The following MAPKAP1 variants were observed in gnomAD, a reference collection of about 807,000 sequenced individuals.
MAPKAP1 encodes the protein MAPK associated protein 1.
Under a neutral mutation model 65.7 loss-of-function variants are expected in MAPKAP1, and 20 were observed. The observed-to-expected ratio is 0.30, with a 90% CI of 0.21 to 0.44. The LOEUF (loss-of-function observed/expected upper bound fraction) is 0.44, where lower values mean the gene tolerates loss of function less well. MAPKAP1 is among the 20% of genes least tolerant of loss of function. MAPKAP1 has a pLI of 1.00. For missense variants in MAPKAP1, 423 were observed against 648.0 expected (o/e 0.65, Z 3.77); for synonymous variants, 222 against 244.3 (o/e 0.91, Z 0.85).
rs777666442 is a variant in MAPKAP1, at chr9:125,669,913, A to G, written c.260-6T>C. ...GAGTCGTTCTAATCTTTGAGCTTGA[A>G]AAGAAATATTATAACTGTAAGTTTG... On this transcript the variant is annotated splice_region_variant and splice_polypyrimidine_tract_variant and intron_variant, in intron 2 of 11. Transcript: ENST00000265960. The G allele has an allele frequency of 6.5e-7, 1 of 1,532,568 alleles. No individual in the cohort carries two copies. The highest frequency in any genetic ancestry group is 8.9e-7 in the Non-Finnish European group (1 of 1,119,776). 94.9% of individuals were successfully genotyped at this position (1,532,568 alleles called of 1,614,324 possible).
At chr9:125,473,896 ACTT>A (rs1398247848) in intron 9 of MAPKAP1, among the ~76,000 whole-genome samples, 1 of 152,182 alleles carries the variant, frequency 6.6e-6, no homozygotes, top group African/African-American at 2.4e-5. Context: ...CTTGGGAAAA[ACTT>A]CTATAAAACG....
At position 125,510,361 on chromosome 9, in the gene MAPKAP1, T is replaced by C. The variant is rs758730059; in HGVS notation, c.959-3944A>G. Reference sequence around the variant, plus strand: ...TCTAGAATCTGAATCACTTAACTTCTATAAATTCAAAATGAAAATGATCTG... The same window carrying C: ...TCTAGAATCTGAATCACTTAACTTCCATAAATTCAAAATGAAAATGATCTG... On this transcript the variant is annotated intron_variant, in intron 7 of 11. Coordinates refer to ENST00000265960, the MANE Select transcript of MAPKAP1 (RefSeq NM_001006617.3). Among the ~76,000 whole-genome samples the C allele has an allele frequency of 2.6e-5, 4 of 152,250 alleles. No homozygotes were observed. In the East Asian group the frequency reaches 5.8e-4, roughly 22 times the overall value.
intron 4 of MAPKAP1, among the ~76,000 whole-genome samples, chr9:125,625,741 G>A (rs978651462): frequency 6.6e-6 from 1 of 152,150 alleles, no homozygotes; most frequent in African/African-American, 2.4e-5. Flanking sequence ...GTTGCAGTGA[G>A]CCGAGATTGC....
intron 1 of MAPKAP1, among the ~76,000 whole-genome samples, chr9:125,678,437 T>A (rs1462933877): frequency 1.3e-5 from 2 of 152,014 alleles, no homozygotes; most frequent in East Asian, 3.9e-4. Context: ...AGAGACAGGG[T>A]TTCCCCATGT....
chr9:125,681,042 G>A (rs574708507), intron 1 of MAPKAP1, among the ~76,000 whole-genome samples: 1 of 152,304 alleles, frequency 6.6e-6, no homozygotes, highest in Admixed American at 6.5e-5. Context: ...GCCACTTCAG[G>A]AGGTAGGCAT....
At chr9:125,505,021 G>C (rs1022078627) in intron 8 of MAPKAP1, among the ~76,000 whole-genome samples, 2 of 152,242 alleles carry the variant, frequency 1.3e-5, no homozygotes, top group African/African-American at 4.8e-5. Context: ...GCAGGGAAGA[G>C]AGATATTAAA....
chr9:125,534,433 A>G (rs116999124), intron 7 of MAPKAP1, among the ~76,000 whole-genome samples: 3,579 of 152,298 alleles, frequency 0.024, 61 homozygotes, highest in South Asian at 0.057. Flanking sequence ...AGCTATTTCA[A>G]TTCTCCCAAA....
intron 4 of MAPKAP1, among the ~76,000 whole-genome samples, chr9:125,635,513 G>T (rs551333029): frequency 1.3e-5 from 2 of 152,126 alleles, no homozygotes; most frequent in African/African-American, 4.8e-5. Flanking sequence ...GCTAAAATGC[G>T]CCCTACCTTT....
intron 5 of MAPKAP1, among the ~76,000 whole-genome samples, chr9:125,573,197 C>T (rs1208415913): frequency 6.6e-6 from 1 of 151,866 alleles, no homozygotes; most frequent in Non-Finnish European, 1.5e-5. Context: ...GCTGCACTCC[C>T]AGACAGTTAA....
At chr9:125,578,491 C>T (rs12341150) in intron 5 of MAPKAP1, among the ~76,000 whole-genome samples, 45,540 of 151,874 alleles carry the variant, frequency 0.3, 7,906 homozygotes, top group Middle Eastern at 0.4. Flanking sequence ...ATGAAAATCA[C>T]TTACATGAGT....
intron 1 of MAPKAP1, among the ~76,000 whole-genome samples, chr9:125,706,671 A>G (rs1835770694): frequency 6.6e-6 from 1 of 151,994 alleles, no homozygotes; most frequent in Admixed American, 6.6e-5. Flanking sequence ...TATGAAGACC[A>G]GGGCACCTAG....
chr9:125,597,360 G>A (rs1342702148), intron 4 of MAPKAP1, among the ~76,000 whole-genome samples: 1 of 150,340 alleles, frequency 6.7e-6, no homozygotes, highest in Non-Finnish European at 1.5e-5. Context: ...GTTCACTTGA[G>A]CCTGGGAGGT....
rs529963958 is a variant in MAPKAP1 at position 125,493,422 on chromosome 9, TAAGTATTTGCACTCCCCTCCAGAC to T, written c.1067-8863_1067-8840del. The stretch of plus-strand genomic sequence containing the variant: ...TTCTTCTGGTAAGTATCTTACATGG[TAAGTATTTGCACTCCCCTCCAGAC>T]AAGGAGCCTGAGGGCAGGAACATCC... On this transcript the variant is annotated intron_variant, in intron 8 of 11. Coordinates refer to ENST00000265960, the MANE Select transcript of MAPKAP1 (RefSeq NM_001006617.3). 4.5e-3 allele frequency among the ~76,000 whole-genome samples: 681 copies of T among 152,310 alleles called. 4 individuals carry two copies. The highest frequency in any genetic ancestry group is 0.015 in the African/African-American group (640 of 41,572).
At chr9:125,469,683 C>T (rs1165981698) in intron 9 of MAPKAP1, among the ~76,000 whole-genome samples, 1 of 152,156 alleles carries the variant, frequency 6.6e-6, no homozygotes, top group Non-Finnish European at 1.5e-5. Flanking sequence ...GTCATTAGAC[C>T]TATTTCAGGA....
At chr9:125,635,510 T>C (rs1038934341) in intron 4 of MAPKAP1, among the ~76,000 whole-genome samples, 2 of 152,202 alleles carry the variant, frequency 1.3e-5, no homozygotes, top group Admixed American at 1.3e-4. Context: ...TTTGCTAAAA[T>C]GCGCCCTACC....
intron 4 of MAPKAP1, among the ~76,000 whole-genome samples, chr9:125,615,258 G>C (rs1239025886): frequency 1.5e-4 from 23 of 152,014 alleles, no homozygotes; most frequent in Admixed American, 1.4e-3. Context: ...TTTTACTAAA[G>C]ATATTATAGG....
At chr9:125,463,710 G>C (rs978844627) in intron 10 of MAPKAP1, among the ~76,000 whole-genome samples, 2 of 152,144 alleles carry the variant, frequency 1.3e-5, no homozygotes, top group Admixed American at 6.5e-5. Flanking sequence ...AACAGAATCA[G>C]ATTTCCTTTG....
chr9:125,635,400 C>T (rs1380062666), intron 4 of MAPKAP1, among the ~76,000 whole-genome samples: 1 of 152,182 alleles, frequency 6.6e-6, no homozygotes, highest in Non-Finnish European at 1.5e-5. Context: ...TCTTTCTTAG[C>T]TCCCCAGCTG....
intron 4 of MAPKAP1, among the ~76,000 whole-genome samples, chr9:125,597,754 T>G (rs1832181005): frequency 6.6e-6 from 1 of 152,240 alleles, no homozygotes; most frequent in Non-Finnish European, 1.5e-5. Flanking sequence ...CCAGACGATG[T>G]AATGATGCAA....
Sources: allele counts gnomAD v4.1 joint callset (sites outside exome capture counted in the v4.1 genomes callset), GRCh38; gene constraint gnomAD v4.1.1; transcripts MANE v1.5; gene names NCBI Gene and HGNC (gene_info 2026-07-23, HGNC 2026-07-21).